The following RAPGEF6 variants were observed in gnomAD, a reference collection of about 807,000 sequenced individuals.
RAPGEF6 encodes the protein PDZ domain containing guanine nucleotide exchange factor (GEF) 2.
RAPGEF6 carries 56 observed loss-of-function variants against 171.4 expected under a neutral mutation model. The ratio of observed to expected loss-of-function variants is 0.33; its 90% CI spans 0.26 to 0.41. RAPGEF6 has a LOEUF of 0.41. Among genes scored for constraint, RAPGEF6 ranks in the 10% least tolerant of loss-of-function variants. The pLI is 1.00. For missense variants in RAPGEF6, 1,674 were observed against 1,921.4 expected (o/e 0.87, Z 2.41); for synonymous variants, 692 against 650.1 (o/e 1.06, Z -0.98).
chr5:131,533,982 A>G (rs911192236), intron 6 of RAPGEF6, among the ~76,000 whole-genome samples: 1 of 152,164 alleles, frequency 6.6e-6, no homozygotes, highest in African/African-American at 2.4e-5. Context: ...ACAAGGCATT[A>G]GATACTCCAA....
At chr5:131,622,581 C>T (rs890240983) in intron 1 of RAPGEF6, among the ~76,000 whole-genome samples, 5 of 152,186 alleles carry the variant, frequency 3.3e-5, no homozygotes, top group African/African-American at 1.2e-4. Flanking sequence ...TATGCCTCCA[C>T]AATCTAAAGT....
At chr5:131,587,392 G>A (rs1763313635) in intron 4 of RAPGEF6, among the ~76,000 whole-genome samples, 2 of 152,202 alleles carry the variant, frequency 1.3e-5, no homozygotes, top group African/African-American at 2.4e-5. Flanking sequence ...TCAGGAAACT[G>A]GTGTTGAGGA....
chr5:131,485,390 G>C (rs185970409), intron 15 of RAPGEF6, among the ~76,000 whole-genome samples: 1 of 152,164 alleles, frequency 6.6e-6, no homozygotes. Flanking sequence ...GGGACTCTTC[G>C]AGGAGAGAGA....
intron 22 of RAPGEF6, among the ~76,000 whole-genome samples, chr5:131,442,951 C>CTT (rs5871422): frequency 1.3e-3 from 187 of 146,792 alleles, no homozygotes; most frequent in South Asian, 8.7e-3. Flanking sequence ...CAAAACCTGG[C>CTT]TTTTTTTTTT....
chr5:131,622,670 A>G (rs1223412334), intron 1 of RAPGEF6, among the ~76,000 whole-genome samples: 2 of 152,226 alleles, frequency 1.3e-5, no homozygotes, highest in African/African-American at 2.4e-5. Context: ...TGGGCCTGGA[A>G]AAGATGTTCA....
chr5:131,532,342 CACTTTA>C (rs1759446707), intron 6 of RAPGEF6: 1 of 227,680 alleles, frequency 4.4e-6, no homozygotes, highest in African/African-American at 2.3e-5. Flanking sequence ...TTAAAACGTT[CACTTTA>C]ACAAGCAAAT....
In RAPGEF6 at chr5:131,548,077, A is replaced by C. The variant is rs144854686; in HGVS notation, c.465T>G (p.Thr155=). The change falls in exon 6 of 28, where the codon ACT becomes ACG. Residue 155 remains threonine (T), a synonymous_variant. Coordinates refer to ENST00000509018, the MANE Select transcript of RAPGEF6 (RefSeq NM_016340.6). ...GATAGCTGTTAACCTCCACATCATC[A>C]GTAATGGTTTGGCGCTCTCCTTTAT... ...INYKGERQTI[T]DDVEVNSYLS... is the part of the protein sequence containing the mutation. 10 of 1,613,872 alleles carry C rather than the reference A, an allele frequency of 6.2e-6. No homozygotes were observed. The highest frequency in any genetic ancestry group is 1.6e-4 in the Middle Eastern group (1 of 6,080).
At chr5:131,528,206 T>G (rs1415484536) in intron 6 of RAPGEF6, among the ~76,000 whole-genome samples, 1 of 125,210 alleles carries the variant, frequency 8.0e-6, no homozygotes, top group Non-Finnish European at 1.6e-5. Context: ...ATATATATTA[T>G]ATATAAATAA....
intron 16 of RAPGEF6, among the ~76,000 whole-genome samples, chr5:131,473,108 C>T (rs746707134): frequency 9.9e-5 from 15 of 152,094 alleles, no homozygotes; most frequent in Non-Finnish European, 1.8e-4. Context: ...CACAGCCACA[C>T]CATAGCAAGG....
chr5:131,629,190 C>T (rs1295443585), intron 1 of RAPGEF6, among the ~76,000 whole-genome samples: 2 of 151,920 alleles, frequency 1.3e-5, no homozygotes. Flanking sequence ...CCATTAAAAC[C>T]ATCTGTGGGC....
chr5:131,551,465 T>C (rs1466794323), intron 5 of RAPGEF6, among the ~76,000 whole-genome samples: 1 of 146,288 alleles, frequency 6.8e-6, no homozygotes, highest in Non-Finnish European at 1.5e-5. Flanking sequence ...TGAGCAGAGA[T>C]CGTGTCACTG....
intron 1 of RAPGEF6, among the ~76,000 whole-genome samples, chr5:131,621,596 T>TA (rs1765596342): frequency 6.6e-6 from 1 of 152,168 alleles, no homozygotes; most frequent in African/African-American, 2.4e-5. Context: ...CTGGCCCTTG[T>TA]ATGCTTTAAA....
chr5:131,513,722 T>C (rs906630139), intron 7 of RAPGEF6, among the ~76,000 whole-genome samples: 2 of 152,178 alleles, frequency 1.3e-5, no homozygotes, highest in African/African-American at 4.8e-5. Flanking sequence ...AATTTGTCTT[T>C]CTAAGCCAGG....
intron 15 of RAPGEF6, among the ~76,000 whole-genome samples, chr5:131,488,909 T>A (rs1017812720): frequency 2.0e-5 from 3 of 152,182 alleles, no homozygotes; most frequent in African/African-American, 7.2e-5. Context: ...GGCAATCAAA[T>A]CACATTAAAT....
At chr5:131,508,814 T>C (rs1213941892) in intron 8 of RAPGEF6, among the ~76,000 whole-genome samples, 1 of 152,212 alleles carries the variant, frequency 6.6e-6, no homozygotes, top group Non-Finnish European at 1.5e-5. Flanking sequence ...TATAAGGTGC[T>C]ATATATCCAT....
At chr5:131,587,697 C>T (rs1337602501) in intron 4 of RAPGEF6, among the ~76,000 whole-genome samples, 1 of 152,156 alleles carries the variant, frequency 6.6e-6, no homozygotes, top group African/African-American at 2.4e-5. Context: ...CTTCTCTTGC[C>T]CCTCTTTCTC....
At chr5:131,629,782 G>GA (rs562757106) in intron 1 of RAPGEF6, among the ~76,000 whole-genome samples, 78 of 143,146 alleles carry the variant, frequency 5.4e-4, no homozygotes, top group Middle Eastern at 3.5e-3. Context: ...AAAAAGGAAA[G>GA]AAAAAAAAAA....
At chr5:131,469,885 GC>G (rs1561489148) in intron 17 of RAPGEF6, 1 of 1,246,792 alleles carries the variant, frequency 8.0e-7, no homozygotes. Context: ...CTGTAGCTTT[GC>G]CCCCACTTTC....
intron 11 of RAPGEF6, among the ~76,000 whole-genome samples, chr5:131,500,908 A>AT (rs397807894): frequency 8.6e-5 from 13 of 150,430 alleles, no homozygotes; most frequent in African/African-American, 3.2e-4. Context: ...AACTGAATGA[A>AT]GAAATGAATG....
Sources: allele counts gnomAD v4.1 joint callset (sites outside exome capture counted in the v4.1 genomes callset), GRCh38; gene constraint gnomAD v4.1.1; transcripts MANE v1.5; gene names NCBI Gene and HGNC (gene_info 2026-07-23, HGNC 2026-07-21).